SPECC1: variants seen among roughly 807,000 people sequenced by gnomAD.
The protein encoded by SPECC1 is sperm antigen with calponin homology and coiled-coil domains 1.
Under a neutral mutation model 104.1 loss-of-function variants are expected in SPECC1, and 62 were observed. That is an observed-to-expected ratio of 0.60 (90% CI 0.49 to 0.74). The LOEUF (loss-of-function observed/expected upper bound fraction) is 0.74. Among genes scored for constraint, SPECC1 ranks in the 30% least tolerant of loss-of-function variants. The probability of loss-of-function intolerance (pLI) is 0.00; values close to 1 mark genes in which losing one functional copy is unlikely to be tolerated. For synonymous variants in SPECC1, 513 were observed against 501.6 expected, an observed-to-expected ratio of 1.02 and a Z score of -0.30; for missense variants, 1,306 against 1,310.5, an observed-to-expected ratio of 1.00 and a Z score of 0.05.
chr17:20,179,802 T>C (rs72830177), intron 3 of SPECC1, among the ~76,000 whole-genome samples: 8,016 of 152,278 alleles, frequency 0.053, 290 homozygotes, highest in Non-Finnish European at 0.079. Flanking sequence ...GCAGTGAATG[T>C]TGCAGCAGGA....
intron 13 of SPECC1, among the ~76,000 whole-genome samples, chr17:20,304,714 G>A (rs2041706494): frequency 6.6e-6 from 1 of 152,130 alleles, no homozygotes; most frequent in Non-Finnish European, 1.5e-5. Context: ...AAATCAGTGA[G>A]GTTCTGGAGG....
intron 3 of SPECC1, among the ~76,000 whole-genome samples, chr17:20,184,290 T>C (rs1484514249): frequency 6.6e-6 from 1 of 151,070 alleles, no homozygotes; most frequent in African/African-American, 2.4e-5. Flanking sequence ...AGGTGACAAA[T>C]ATAACTCACA....
At chr17:20,031,972 A>G (rs2044833163) in intron 1 of SPECC1, among the ~76,000 whole-genome samples, 1 of 152,218 alleles carries the variant, frequency 6.6e-6, no homozygotes, top group South Asian at 2.1e-4. Flanking sequence ...ATGTACAAAT[A>G]ACTCTTCAAG....
At chr17:20,079,808 C>A (rs1450068433) in intron 1 of SPECC1, among the ~76,000 whole-genome samples, 2 of 152,094 alleles carry the variant, frequency 1.3e-5, no homozygotes, top group Admixed American at 6.5e-5. Context: ...ATGGTGGCTG[C>A]GAAGCTGCCA....
At chr17:20,250,106 CAAG>C (rs2039565450) in intron 9 of SPECC1, among the ~76,000 whole-genome samples, 1 of 152,158 alleles carries the variant, frequency 6.6e-6, no homozygotes, top group African/African-American at 2.4e-5. Flanking sequence ...TCTTTCTTCT[CAAG>C]AAGAATGATG....
intron 3 of SPECC1, among the ~76,000 whole-genome samples, chr17:20,147,495 T>G (rs1442862716): frequency 9.2e-5 from 14 of 152,212 alleles, no homozygotes; most frequent in Admixed American, 9.2e-4. Context: ...TTTAAAGAGT[T>G]CTTATCTTTA....
chr17:20,272,426 A>G (rs538043851), intron 12 of SPECC1, among the ~76,000 whole-genome samples: 1 of 152,264 alleles, frequency 6.6e-6, no homozygotes, highest in South Asian at 2.1e-4. Context: ...ACTATTTTTA[A>G]ATGTACAGTT....
At chr17:20,213,912 T>C (rs887005418) in intron 4 of SPECC1, among the ~76,000 whole-genome samples, 2 of 152,140 alleles carry the variant, frequency 1.3e-5, no homozygotes, top group East Asian at 1.9e-4. Flanking sequence ...TATTGAGATA[T>C]GATCCATTTA....
intron 3 of SPECC1, among the ~76,000 whole-genome samples, chr17:20,137,931 C>T (rs533049293): frequency 1.3e-5 from 2 of 152,114 alleles, no homozygotes; most frequent in South Asian, 2.1e-4. Context: ...TCCCAAAGTA[C>T]TAGGATTACA....
chr17:20,068,535 G>A (rs73984564), intron 1 of SPECC1, among the ~76,000 whole-genome samples: 18,826 of 152,098 alleles, frequency 0.12, 1,156 homozygotes, highest in Non-Finnish European at 0.13. Context: ...ATGGTAACTG[G>A]GTGTAACTTT....
intron 1 of SPECC1, among the ~76,000 whole-genome samples, chr17:20,074,306 G>T (rs751102867): frequency 6.6e-6 from 1 of 152,130 alleles, no homozygotes; most frequent in Non-Finnish European, 1.5e-5. Context: ...GAAATGAGAT[G>T]TTTGTGAAGC....
At chr17:20,161,942 G>T (rs138426272) in intron 3 of SPECC1, among the ~76,000 whole-genome samples, 2 of 150,972 alleles carry the variant, frequency 1.3e-5, no homozygotes, top group South Asian at 4.2e-4. Context: ...CTACAGGTGC[G>T]TGCCACCATG....
chr17:20,216,558 T>A (rs540728309), intron 4 of SPECC1, among the ~76,000 whole-genome samples: 1 of 152,044 alleles, frequency 6.6e-6, no homozygotes, highest in South Asian at 2.1e-4. Flanking sequence ...CTTGATAGGA[T>A]TCTAGAGGGG....
At position 20,194,511 on chromosome 17, in the gene SPECC1, T is replaced by A. The variant is rs1253065194; in HGVS notation, c.284-9822T>A. 3.2e-5 allele frequency among the ~76,000 whole-genome samples: 4 copies of A among 125,286 alleles called. 1 individual carries two copies. Among genetic ancestry groups the A allele is most frequent in the South Asian group, 5.7e-4 (2 of 3,482 alleles). 82.2% of individuals were successfully genotyped at this position (125,286 alleles called of 152,430 possible). A position where few individuals can be genotyped will look rare whatever the true frequency, so the allele number is the denominator to read the frequency against. On this transcript the variant is annotated intron_variant, in intron 3 of 14. Transcript: ENST00000395527. ...TTAGAAAAGAGAACGAATTTTTTTT[T>A]TTTTTTTTTTTTTTGAGACAGAGTC...
chr17:20,089,826 C>T (rs895116613), intron 1 of SPECC1, among the ~76,000 whole-genome samples: 7 of 152,064 alleles, frequency 4.6e-5, no homozygotes, highest in African/African-American at 1.2e-4. Context: ...CCTGGACAGC[C>T]GTGAATTTGA....
chr17:20,161,487 G>A (rs2033139734), intron 3 of SPECC1, among the ~76,000 whole-genome samples: 1 of 152,240 alleles, frequency 6.6e-6, no homozygotes, highest in Non-Finnish European at 1.5e-5. Flanking sequence ...AAAATGGAAG[G>A]CCTATCAGCA....
intron 12 of SPECC1, among the ~76,000 whole-genome samples, chr17:20,266,311 C>T (rs113267087): frequency 0.11 from 17,478 of 152,130 alleles, 1,040 homozygotes; most frequent in Non-Finnish European, 0.13. Context: ...GGGCCGGGCG[C>T]GGTGACTCAC....
chr17:20,259,897 A>T (rs921584013), intron 11 of SPECC1, among the ~76,000 whole-genome samples: 2 of 152,206 alleles, frequency 1.3e-5, no homozygotes, highest in Non-Finnish European at 2.9e-5. Flanking sequence ...AATTCAAATG[A>T]TACTGTACTT....
chr17:20,175,657 ACT>A (rs2151200351), intron 3 of SPECC1, among the ~76,000 whole-genome samples: 1 of 152,352 alleles, frequency 6.6e-6, no homozygotes, highest in South Asian at 2.1e-4. Flanking sequence ...TAAACATCTT[ACT>A]GAAAATTGGT....
Sources: allele counts gnomAD v4.1 joint callset (sites outside exome capture counted in the v4.1 genomes callset), GRCh38; gene constraint gnomAD v4.1.1; transcripts MANE v1.5; gene names NCBI Gene and HGNC (gene_info 2026-07-23, HGNC 2026-07-21).